Variants in TTC7B observed in about 807,000 individuals in gnomAD.
The protein encoded by TTC7B is tetratricopeptide repeat domain 7B.
Under a neutral mutation model 106.8 loss-of-function variants are expected in TTC7B, and 28 were observed. The observed-to-expected ratio is 0.26, with a 90% confidence interval of 0.19 to 0.36. The LOEUF (loss-of-function observed/expected upper bound fraction) is 0.36. Ranked by LOEUF, TTC7B falls within the 10% of genes least tolerant of loss-of-function variation. The pLI is 1.00. For missense variants in TTC7B, 862 were observed against 1,076.4 expected, an observed-to-expected ratio of 0.80 and a Z score of 2.79; for synonymous variants, 405 against 430.6, an observed-to-expected ratio of 0.94 and a Z score of 0.74.
chr14:90,646,870 T>A, intron 14 of TTC7B, 81 bp downstream of exon 14: 1 of 1,272,450 alleles, frequency 7.9e-7, no homozygotes, highest in South Asian at 1.2e-5. Context: ...GAAGATCACC[T>A]ACCACTTCAA....
intron 13 of TTC7B, among the ~76,000 whole-genome samples, chr14:90,647,685 A>G (rs1885525393): frequency 6.6e-6 from 1 of 152,134 alleles, no homozygotes; most frequent in Non-Finnish European, 1.5e-5. Flanking sequence ...ACAGGAAGGG[A>G]CCATACTGGC....
In TTC7B at chr14:90,805,325, G is replaced by A. The variant is rs369488515; in HGVS notation, c.121+10850C>T. Among the ~76,000 whole-genome samples, 10 of 152,166 alleles carry A rather than the reference G, an allele frequency of 6.6e-5. No homozygotes were observed. The highest frequency in any genetic ancestry group is 2.0e-4 in the Admixed American group (3 of 15,280). ...GGGTAGTGTGCAGTGGCGCGATCTC[G>A]GCTCACTGCAACCTCTACCTCCCGG... is the stretch of plus-strand genomic sequence containing the variant. On this transcript the variant is annotated intron_variant, in intron 1 of 19. Coordinates refer to ENST00000328459, the MANE Select transcript of TTC7B (RefSeq NM_001010854.2). This position sits in a 1 kb window ranked among gnomAD's most constrained non-coding sequence, Gnocchi z 4.0.
At chr14:90,566,525 T>C (rs541377372) in intron 19 of TTC7B, among the ~76,000 whole-genome samples, 1 of 152,078 alleles carries the variant, frequency 6.6e-6, no homozygotes, top group East Asian at 1.9e-4. Context: ...GTTGATGTTC[T>C]GAAAGACTCA....
chr14:90,559,145 G>A (rs1001155196), intron 19 of TTC7B, among the ~76,000 whole-genome samples: 4 of 152,202 alleles, frequency 2.6e-5, no homozygotes, highest in Admixed American at 6.5e-5. Context: ...TACCCAGGCC[G>A]GGCAAACGCG....
intron 19 of TTC7B, among the ~76,000 whole-genome samples, chr14:90,544,405 C>T (rs528321370): frequency 6.6e-6 from 1 of 152,342 alleles, no homozygotes; most frequent in South Asian, 2.1e-4. Context: ...TGCAGAGCCA[C>T]ACCTCATGAC....
intron 3 of TTC7B, among the ~76,000 whole-genome samples, chr14:90,752,922 AG>A (rs1448413482): frequency 6.6e-6 from 1 of 152,256 alleles, no homozygotes. Flanking sequence ...CTAGAACTTT[AG>A]GGTGCTGATT....
intron 5 of TTC7B, among the ~76,000 whole-genome samples, chr14:90,726,751 C>G (rs1232337276): frequency 6.6e-6 from 1 of 152,224 alleles, no homozygotes; most frequent in African/African-American, 2.4e-5. Context: ...GACTTGGAGC[C>G]CTCAGAGGCG....
At chr14:90,668,462 C>A (rs1886499570) in intron 9 of TTC7B, among the ~76,000 whole-genome samples, 3 of 152,128 alleles carry the variant, frequency 2.0e-5, no homozygotes, top group South Asian at 4.2e-4. Context: ...ATGGGTACTT[C>A]CCTATATAAG....
rs191254453 is a variant in TTC7B at position 90,584,861 on chromosome 14, G to C, written c.2108-6553C>G. 4.6e-5 allele frequency among the ~76,000 whole-genome samples: 7 copies of C among 152,016 alleles called. No individual in the cohort carries two copies. In the East Asian group the frequency reaches 1.4e-3, roughly 30 times the overall value. On this transcript the variant is annotated intron_variant, in intron 18 of 19. Transcript: ENST00000328459. ...TCTGCTAGCACAGAGGGTGCTCCTG[G>C]AGCCCACCTTCTTTTTCACATAAAA...
Position 90,644,279 on chromosome 14 carries a change from A to ACG in TTC7B, c.1591-73_1591-72dup, listed in dbSNP as rs71117367. 2.5e-4 allele frequency: 234 copies of ACG among 948,950 alleles called. No individual in the cohort carries two copies. In the African/African-American group the frequency reaches 3.0e-3, roughly 12 times the overall value. 58.8% of individuals were successfully genotyped at this position (948,950 alleles called of 1,614,324 possible). ...CACGCACACACACACACACACACAC[A>ACG]CGCGCGAAAGAAGCCATCTTTTCAA... On this transcript the variant is annotated intron_variant, in intron 14 of 19. Coordinates refer to ENST00000328459, the MANE Select transcript of TTC7B (RefSeq NM_001010854.2).
At chr14:90,732,925 C>T (rs1275322498) in intron 4 of TTC7B, among the ~76,000 whole-genome samples, 3 of 152,160 alleles carry the variant, frequency 2.0e-5, no homozygotes, top group African/African-American at 7.2e-5. Context: ...AGGAAGTCTG[C>T]CCTATTCGCC....
chr14:90,682,574 G>C (rs112892624), intron 7 of TTC7B, among the ~76,000 whole-genome samples: 2 of 152,212 alleles, frequency 1.3e-5, no homozygotes, highest in African/African-American at 4.8e-5. Context: ...GGTCAAAACT[G>C]TTGGGGCCTT....
At chr14:90,751,245 TA>T (rs1479763335) in intron 3 of TTC7B, among the ~76,000 whole-genome samples, 1 of 152,180 alleles carries the variant, frequency 6.6e-6, no homozygotes, top group Non-Finnish European at 1.5e-5. Context: ...TGACCAGCTG[TA>T]AAGCATGAGT....
At chr14:90,741,924 A>G (rs1289132109) in intron 4 of TTC7B, among the ~76,000 whole-genome samples, 2 of 152,184 alleles carry the variant, frequency 1.3e-5, no homozygotes, top group Admixed American at 1.3e-4. Flanking sequence ...TGGTTTTCCA[A>G]AAAAGAAAAC....
At chr14:90,747,037 G>A (rs962557828) in intron 3 of TTC7B, among the ~76,000 whole-genome samples, 12 of 152,126 alleles carry the variant, frequency 7.9e-5, no homozygotes, top group African/African-American at 2.4e-4. Flanking sequence ...TTTATTTGGA[G>A]CCTTGAGCCA....
At position 90,663,665 on chromosome 14, in the gene TTC7B, T is replaced by G. The variant is rs1886295481; in HGVS notation, c.1153-5278A>C. Among the ~76,000 whole-genome samples the G allele has an allele frequency of 6.6e-6, 1 of 152,156 alleles. No homozygotes were observed. Among genetic ancestry groups the G allele is most frequent in the Admixed American group, 6.5e-5 (1 of 15,286 alleles). On this transcript the variant is annotated intron_variant, in intron 9 of 19. Transcript: ENST00000328459. This position sits in a 1 kb window ranked among gnomAD's most constrained non-coding sequence, Gnocchi z 4.5. Reference sequence around the variant, plus strand: ...CCTCTACAGGCAGCATCTCTCCCAGTTCCCTCCTAGTTTGGACCTCTTTCT... The same window carrying G: ...CCTCTACAGGCAGCATCTCTCCCAGGTCCCTCCTAGTTTGGACCTCTTTCT...
At chr14:90,773,501 A>T (rs1160937578) in intron 3 of TTC7B, among the ~76,000 whole-genome samples, 1 of 152,098 alleles carries the variant, frequency 6.6e-6, no homozygotes, top group African/African-American at 2.4e-5. Context: ...CTCCGCAGGG[A>T]ACGATAATAC....
At chr14:90,748,638 T>A (rs1890043845) in intron 3 of TTC7B, among the ~76,000 whole-genome samples, 1 of 152,180 alleles carries the variant, frequency 6.6e-6, no homozygotes, top group Non-Finnish European at 1.5e-5. Context: ...CTACTTTAAA[T>A]GATATTATAC....
intron 4 of TTC7B, among the ~76,000 whole-genome samples, chr14:90,737,584 C>T (rs1035152043): frequency 5.7e-5 from 7 of 122,030 alleles, no homozygotes; most frequent in Non-Finnish European, 6.4e-5. Context: ...GATGGAGTCT[C>T]GCTCTGTCAC....
Sources: gnomAD v4.1 joint callset for allele counts (sites outside exome capture counted in the v4.1 genomes callset) on GRCh38, gnomAD v4.1.1 for gene constraint, Gnocchi (gnomAD v3.1) non-coding constraint, MANE v1.5 for transcripts, NCBI Gene and HGNC (gene_info 2026-07-23, HGNC 2026-07-21) for gene names.